Variants in RPN1 observed in about 807,000 individuals in gnomAD.
RPN1 encodes the protein dolichyl-diphosphooligosaccharide--protein glycosyltransferase subunit 1.
In RPN1, 12 loss-of-function variants were observed where a neutral mutation model predicts 55.5. The observed-to-expected ratio is 0.22, with a 90% CI of 0.14 to 0.35. The LOEUF is 0.35. Ranked by LOEUF, RPN1 falls within the 10% of genes least tolerant of loss-of-function variation. The pLI, the probability that RPN1 is intolerant of heterozygous loss-of-function variation, is 1.00. For missense variants in RPN1, 679 were observed against 761.3 expected, an observed-to-expected ratio of 0.89 and a Z score of 1.27; for synonymous variants, 317 against 305.9, an observed-to-expected ratio of 1.04 and a Z score of -0.38.
At chr3:128,637,066 G>A (rs116465344) in intron 3 of RPN1, among the ~76,000 whole-genome samples, 2,327 of 151,920 alleles carry the variant, frequency 0.015, 56 homozygotes, top group African/African-American at 0.053. Context: ...GCAAGATCCC[G>A]TCTCTACAAC....
chr3:128,623,227 A>T (rs1281095303), intron 8 of RPN1, among the ~76,000 whole-genome samples: 3 of 152,194 alleles, frequency 2.0e-5, no homozygotes. Flanking sequence ...TAACATAATG[A>T]GACTCCGTCT....
In RPN1 at chr3:128,650,648, G is replaced by A. The variant is rs139641730; in HGVS notation, c.153C>T (p.Ala51=). The change falls in exon 1 of 10, where the codon GCC becomes GCT. Residue 51 remains alanine, a synonymous_variant. Transcript: ENST00000296255. ...DLSSHLAKVT[A]EVVLAHLGGG... is the part of the protein sequence containing the mutation. ...CGCCCAGGTGCGCCAGGACCACCTCGGCCGTCACCTTAGCCAGGTGGCTGC... is the reference window on the plus strand; with the variant it reads ...CGCCCAGGTGCGCCAGGACCACCTCAGCCGTCACCTTAGCCAGGTGGCTGC... The A allele has an allele frequency of 2.8e-4, 439 of 1,560,352 alleles. 1 individual carries two copies. Among genetic ancestry groups the A allele is most frequent in the Middle Eastern group, 1.8e-3 (11 of 6,010 alleles).
In RPN1 at chr3:128,626,743, C is replaced by G; in HGVS notation, c.1126G>C (p.Glu376Gln). 1.9e-6 allele frequency: 3 copies of G among 1,614,126 alleles called. No homozygotes were observed. The highest frequency in any genetic ancestry group is 2.5e-6 in the Non-Finnish European group (3 of 1,180,030). ...AACAGTCACACTCACTTGGCTCCTT[C>G]AGGCAGGATGATCTTCACAGTCAGA... ...DSLTVKIILP[E>Q]GAKNIEIDSP... The change falls in exon 6 of 10, where the codon GAA (glutamate) becomes CAA (glutamine). Residue 376 changes from glutamate to glutamine, a missense_variant. Around this residue, in one of 3 missense-constraint regions of RPN1, gnomAD observed 306 missense variants for 360.0 expected, o/e 0.85. Transcript: ENST00000296255.
At chr3:128,639,397 T>C (rs986859004) in intron 2 of RPN1, among the ~76,000 whole-genome samples, 3 of 140,618 alleles carry the variant, frequency 2.1e-5, no homozygotes, top group East Asian at 2.2e-4. Context: ...GAGCTTGCAG[T>C]GCGCCGAGAT....
rs564647965 is a variant in RPN1 at position 128,622,690 on chromosome 3, CA to C, written c.1396-282del. Among the ~76,000 whole-genome samples, 11 of 152,062 alleles carry C rather than the reference CA, an allele frequency of 7.2e-5. No individual in the cohort carries two copies. The East Asian group carries it at 1.9e-3, about 27-fold the overall frequency. On this transcript the variant is annotated intron_variant, in intron 8 of 9. Transcript: ENST00000296255. ...TGGGCAGATCACGAGGTCAGGAGTT[CA>C]AGACCAGCCTGACCAATATGGTGAC...
rs766763619 is a variant in RPN1 at position 128,644,961 on chromosome 3, T to G, written c.284A>C (p.Glu95Ala). The G allele has an allele frequency of 8.3e-6, 13 of 1,575,120 alleles. 1 individual carries two copies. The highest frequency in any genetic ancestry group is 3.3e-4 in the Middle Eastern group (2 of 6,002). ...GVQVKGEDEE[E>A]NNLEVRETKI... ...GGTTTCACGTACTTCCAAATTGTTCTCTTCCTCATCTTCTCCCTTTACCTA... is the reference window on the plus strand; with the variant it reads ...GGTTTCACGTACTTCCAAATTGTTCGCTTCCTCATCTTCTCCCTTTACCTA... Residue 95 changes from glutamate (E) to alanine (A), a missense_variant, in exon 2 of 10, where the codon GAG becomes GCG. Glu to Ala is a moderately radical substitution (Grantham distance 107). Coordinates refer to ENST00000296255, the MANE Select transcript of RPN1 (RefSeq NM_002950.4).
chr3:128,631,893 G>C, intron 4 of RPN1, 55 bp downstream of exon 4: 1 of 1,586,598 alleles, frequency 6.3e-7, no homozygotes, highest in Non-Finnish European at 8.7e-7. Flanking sequence ...GCAAAGAATA[G>C]GTAGCTGTGA....
intron 3 of RPN1, among the ~76,000 whole-genome samples, chr3:128,635,421 C>G (rs1266195183): frequency 1.3e-5 from 2 of 151,592 alleles, no homozygotes; most frequent in African/African-American, 2.4e-5. Flanking sequence ...GTACCTCAAC[C>G]TCCCTAGTAG....
intron 1 of RPN1, among the ~76,000 whole-genome samples, chr3:128,648,175 T>A (rs2069783920): frequency 6.6e-6 from 1 of 152,024 alleles, no homozygotes; most frequent in African/African-American, 2.4e-5. Context: ...GGGCGGATCA[T>A]GAGGTCAAGA....
chr3:128,639,839 G>A (rs552937714), intron 2 of RPN1, among the ~76,000 whole-genome samples: 21 of 152,140 alleles, frequency 1.4e-4, no homozygotes, highest in African/African-American at 4.6e-4. Flanking sequence ...CACCCGCCTC[G>A]GGCTCCCAAA....
chr3:128,645,708 T>C (rs2107722254), intron 1 of RPN1, among the ~76,000 whole-genome samples: 1 of 151,902 alleles, frequency 6.6e-6, no homozygotes. Context: ...TCCCAGCTAC[T>C]AGGGAGGCTG....
chr3:128,626,830 C>A lies in RPN1; in HGVS notation c.1039G>T (p.Asp347Tyr). 1 of 1,613,662 alleles carries A rather than the reference C, an allele frequency of 6.2e-7. No homozygotes were observed. The highest frequency in any genetic ancestry group is 1.1e-5 in the South Asian group (1 of 91,052). ...AACCTCATCTTCAGTGCATACTGGTCACCTGAAGGATCAAGCAAGCATAAG... is the reference window on the plus strand; with the variant it reads ...AACCTCATCTTCAGTGCATACTGGTAACCTGAAGGATCAAGCAAGCATAAG... ...PSYEYLYNLG[D>Y]QYALKMRFVD... Residue 347 changes from aspartate to tyrosine, a missense_variant and splice_region_variant, in exon 6 of 10, where the codon GAC (aspartate) becomes TAC (tyrosine). Asp to Tyr is a radical substitution (Grantham distance 160). Transcript: ENST00000296255.
intron 1 of RPN1, among the ~76,000 whole-genome samples, chr3:128,646,120 G>A (rs2107722436): frequency 6.6e-6 from 1 of 150,706 alleles, no homozygotes; most frequent in East Asian, 2.0e-4. Context: ...GGCGTGTGGA[G>A]GCTGAGGCAG....
At chr3:128,627,418 TAGC>T (rs1387902692) in intron 5 of RPN1, among the ~76,000 whole-genome samples, 1 of 152,108 alleles carries the variant, frequency 6.6e-6, no homozygotes, top group African/African-American at 2.4e-5. Flanking sequence ...TGCACTAAAA[TAGC>T]AGAGATCTGG....
At chr3:128,621,563 AG>A (rs1227051013) in intron 9 of RPN1, among the ~76,000 whole-genome samples, 3 of 152,212 alleles carry the variant, frequency 2.0e-5, no homozygotes, top group Non-Finnish European at 2.9e-5. Flanking sequence ...AGGGAATGCC[AG>A]GGAGTGGACA....
intron 1 of RPN1, among the ~76,000 whole-genome samples, chr3:128,649,305 C>T (rs1007206843): frequency 3.3e-5 from 5 of 152,214 alleles, no homozygotes; most frequent in African/African-American, 1.2e-4. Flanking sequence ...AGCCGAGCTC[C>T]TGCTGTGGTC....
chr3:128,650,087 C>T (rs981110872), intron 1 of RPN1, among the ~76,000 whole-genome samples: 2 of 152,226 alleles, frequency 1.3e-5, no homozygotes, highest in Non-Finnish European at 2.9e-5. Flanking sequence ...TGAGCCACCT[C>T]GTCGGGCCGT....
chr3:128,643,689 G>A (rs1165428823), intron 2 of RPN1, among the ~76,000 whole-genome samples: 7 of 151,968 alleles, frequency 4.6e-5, no homozygotes, highest in South Asian at 2.1e-4. Context: ...ACAGCTACTC[G>A]GGAGGCTGCA....
chr3:128,627,598 C>T lies in RPN1; in HGVS notation c.1037-766G>A, dbSNP rs200134326. The stretch of plus-strand genomic sequence containing the variant: ...CCAGCCTGGCCAACATGGTGAAACC[C>T]CATCTCTACTAAAACTATAAAAATT... On this transcript the variant is annotated intron_variant, in intron 5 of 9. Transcript: ENST00000296255. 3.3e-5 allele frequency among the ~76,000 whole-genome samples: 5 copies of T among 151,768 alleles called. No individual in the cohort carries two copies. The East Asian group carries it at 9.7e-4, about 30-fold the overall frequency.
Sources: gnomAD v4.1 joint callset for allele counts (sites outside exome capture counted in the v4.1 genomes callset) on GRCh38, gnomAD v4.1.1 for gene constraint, gnomAD v4.1.1 regional missense constraint, MANE v1.5 for transcripts, NCBI Gene and HGNC (gene_info 2026-07-23, HGNC 2026-07-21) for gene names.